Variants in SYN3 observed in about 807,000 individuals in gnomAD.
The protein encoded by SYN3 is synapsin III, also known as synapsin-3.
A neutral mutation model predicts 65.8 loss-of-function variants in SYN3; 35 were observed. The observed-to-expected ratio is 0.53, with a 90% CI of 0.41 to 0.70. The LOEUF (loss-of-function observed/expected upper bound fraction) is 0.70. Among genes scored for constraint, SYN3 ranks in the 30% least tolerant of loss-of-function variants. SYN3 has a pLI of 0.00. For synonymous variants in SYN3, 270 were observed against 292.9 expected (o/e 0.92, Z 0.80); for missense variants, 680 against 749.0 (o/e 0.91, Z 1.08).
At chr22:32,790,052 G>A (rs1361471384) in intron 6 of SYN3, among the ~76,000 whole-genome samples, 2 of 152,172 alleles carry the variant, frequency 1.3e-5, no homozygotes, top group African/African-American at 2.4e-5. Context: ...ACGAGAATAC[G>A]GAGGCACAAG....
intron 6 of SYN3, among the ~76,000 whole-genome samples, chr22:32,735,011 C>T (rs1477287826): frequency 6.6e-6 from 1 of 152,196 alleles, no homozygotes; most frequent in Admixed American, 6.5e-5. Context: ...GTGATTTAGG[C>T]TTCCCAATGA....
chr22:32,898,831 G>A (rs554681176), intron 4 of SYN3, among the ~76,000 whole-genome samples: 28 of 152,212 alleles, frequency 1.8e-4, no homozygotes, highest in African/African-American at 3.9e-4. Flanking sequence ...GGCTGGGCGC[G>A]GTGGCTCACG....
At chr22:32,655,250 C>T (rs1327983484) in intron 6 of SYN3, among the ~76,000 whole-genome samples, 2 of 152,228 alleles carry the variant, frequency 1.3e-5, no homozygotes, top group East Asian at 1.9e-4. Context: ...TGAGGCAGAG[C>T]GTCCTCACCA....
intron 6 of SYN3, among the ~76,000 whole-genome samples, chr22:32,842,215 G>A (rs965793046): frequency 6.6e-6 from 1 of 152,048 alleles, no homozygotes; most frequent in South Asian, 2.1e-4. Context: ...CCAGTACGCC[G>A]TGATCACTTC....
chr22:33,040,024 CTT>C (rs199613520), intron 1 of SYN3, among the ~76,000 whole-genome samples: 1 of 147,552 alleles, frequency 6.8e-6, no homozygotes, highest in African/African-American at 2.6e-5. Context: ...AGATTATACA[CTT>C]TTTTTTTCTT....
intron 1 of SYN3, among the ~76,000 whole-genome samples, chr22:33,008,924 C>CAAA (rs201719238): frequency 1.2e-3 from 69 of 57,048 alleles, no homozygotes; most frequent in Non-Finnish European, 1.6e-3. Flanking sequence ...GACTTTATCT[C>CAAA]AAAAAAAAAA....
At chr22:32,727,409 T>C (rs2061211003) in intron 6 of SYN3, among the ~76,000 whole-genome samples, 2 of 152,250 alleles carry the variant, frequency 1.3e-5, no homozygotes, top group South Asian at 4.1e-4. Flanking sequence ...TTAGGTTGAT[T>C]CCATGCCTTT....
intron 4 of SYN3, among the ~76,000 whole-genome samples, chr22:32,899,560 T>C (rs190156990): frequency 7.9e-5 from 12 of 152,340 alleles, no homozygotes; most frequent in Non-Finnish European, 1.6e-4. Flanking sequence ...GTGGCCTCTA[T>C]ATGGCTTTAT....
chr22:32,743,424 G>A (rs535988731), intron 6 of SYN3, among the ~76,000 whole-genome samples: 1 of 152,322 alleles, frequency 6.6e-6, no homozygotes, highest in East Asian at 1.9e-4. Context: ...CTAACCAGGG[G>A]CAGTGGACAC....
At chr22:32,845,851 C>T (rs1279423029) in intron 6 of SYN3, among the ~76,000 whole-genome samples, 2 of 152,216 alleles carry the variant, frequency 1.3e-5, no homozygotes, top group Non-Finnish European at 2.9e-5. Context: ...TCCCTTGTTC[C>T]CTGTGGCCCC....
rs188246907 is a variant in SYN3 at position 32,515,767 on chromosome 22, A to G, written c.1611-1943T>C. 3.4e-4 allele frequency among the ~76,000 whole-genome samples: 52 copies of G among 152,300 alleles called. No homozygotes were observed. The East Asian group carries it at 9.8e-3, about 29-fold the overall frequency. ...GTACAGCGGAATACTATACAGCCAT[A>G]AAAAATAAAATTCGAAGAAACTCGG... On this transcript the variant is annotated intron_variant, in intron 13 of 13. Transcript: ENST00000358763.
chr22:32,760,418 T>G (rs1303659202), intron 6 of SYN3, among the ~76,000 whole-genome samples: 1 of 152,092 alleles, frequency 6.6e-6, no homozygotes, highest in African/African-American at 2.4e-5. Context: ...CGAAGTGGGA[T>G]GAAGGGGAGT....
chr22:32,774,455 C>T (rs1224758054), intron 6 of SYN3, among the ~76,000 whole-genome samples: 1 of 152,078 alleles, frequency 6.6e-6, no homozygotes, highest in African/African-American at 2.4e-5. Flanking sequence ...GACCCTCCTC[C>T]CCTCGAGTCT....
At chr22:32,998,022 A>C (rs2052936650) in intron 2 of SYN3, among the ~76,000 whole-genome samples, 1 of 124,054 alleles carries the variant, frequency 8.1e-6, no homozygotes. Flanking sequence ...GCGAGACTCC[A>C]TCTCAAAAAA....
intron 7 of SYN3, among the ~76,000 whole-genome samples, chr22:32,569,400 AATCTATCTATCTATCTATCTATCT>A (rs60525962): frequency 1.4e-5 from 2 of 143,970 alleles, no homozygotes; most frequent in African/African-American, 5.2e-5. Context: ...CTCCATCCAA[AATCTATCTATCTATCTATCTATCT>A]ATCTATCTAT....
chr22:32,679,131 C>A (rs1433631829), intron 6 of SYN3, among the ~76,000 whole-genome samples: 3 of 140,972 alleles, frequency 2.1e-5, no homozygotes, highest in Non-Finnish European at 4.5e-5. Flanking sequence ...TGGCTCACTG[C>A]AACCTCCGCC....
At chr22:32,793,777 T>A (rs1341982849) in intron 6 of SYN3, among the ~76,000 whole-genome samples, 1 of 152,214 alleles carries the variant, frequency 6.6e-6, no homozygotes, top group African/African-American at 2.4e-5. Flanking sequence ...GGAAACAAGG[T>A]CATCTGTCTT....
chr22:33,052,619 G>C (rs1211418716), intron 1 of SYN3, among the ~76,000 whole-genome samples: 4 of 151,252 alleles, frequency 2.6e-5, no homozygotes. Flanking sequence ...AGCTCTAACT[G>C]CTTCCACAAA....
chr22:32,704,274 G>A (rs901093767), intron 6 of SYN3, among the ~76,000 whole-genome samples: 3 of 151,922 alleles, frequency 2.0e-5, no homozygotes, highest in South Asian at 2.1e-4. Context: ...GTGTTCATGT[G>A]TTCACATCCT....
Sources: gnomAD v4.1 joint callset for allele counts (sites outside exome capture counted in the v4.1 genomes callset) on GRCh38, gnomAD v4.1.1 for gene constraint, MANE v1.5 for transcripts, NCBI Gene and HGNC (gene_info 2026-07-23, HGNC 2026-07-21) for gene names.